FAF1: variants seen among roughly 807,000 people sequenced by gnomAD.
FAF1 encodes the protein FAS-associated factor 1.
A neutral mutation model predicts 92.5 loss-of-function variants in FAF1; 25 were observed. That is an observed-to-expected ratio of 0.27 (90% CI 0.20 to 0.38). The LOEUF (loss-of-function observed/expected upper bound fraction) is 0.38. Ranked by LOEUF, FAF1 falls within the 10% of genes least tolerant of loss-of-function variation. The pLI, the probability that FAF1 is intolerant of heterozygous loss-of-function variation, is 1.00. For synonymous variants in FAF1, 234 were observed against 273.2 expected (o/e 0.86, Z 1.42); for missense variants, 636 against 793.3 (o/e 0.80, Z 2.38).
At chr1:50,827,491 C>A (rs1049846910) in intron 2 of FAF1, among the ~76,000 whole-genome samples, 2 of 152,124 alleles carry the variant, frequency 1.3e-5, no homozygotes, top group African/African-American at 4.8e-5. Context: ...ACAAACACTG[C>A]GGAAGGCCGC....
intron 3 of FAF1, among the ~76,000 whole-genome samples, chr1:50,793,598 A>C (rs1661640926): frequency 6.6e-6 from 1 of 152,180 alleles, no homozygotes. Context: ...GTAAGAAGGG[A>C]CCACTGGAAA....
intron 6 of FAF1, among the ~76,000 whole-genome samples, chr1:50,732,589 G>C (rs1024824183): frequency 6.6e-6 from 1 of 151,844 alleles, no homozygotes; most frequent in African/African-American, 2.4e-5. Flanking sequence ...TATTTCCCTG[G>C]GGTCACTTTC....
At chr1:50,789,559 A>G (rs937424029) in intron 3 of FAF1, among the ~76,000 whole-genome samples, 1 of 151,998 alleles carries the variant, frequency 6.6e-6, no homozygotes, top group African/African-American at 2.4e-5. Flanking sequence ...TAAGTCATCC[A>G]CCTTTACCCT....
intron 7 of FAF1, among the ~76,000 whole-genome samples, chr1:50,691,229 TACA>T (rs1410668236): frequency 1.3e-5 from 2 of 152,142 alleles, no homozygotes; most frequent in African/African-American, 4.8e-5. Flanking sequence ...TCTTTGCCAA[TACA>T]ACACTTGTCA....
Position 50,655,518 on chromosome 1 carries a change from T to G in FAF1, c.668A>C (p.Asn223Thr). ...GSSTIQEVKRNVYDLTSIPVR... is the reference protein window; with the variant it reads ...GSSTIQEVKRTVYDLTSIPVR... ...GGGGATACTTGTAAGGTCATACACA[T>G]TTCTCTTTACCTATGAAAAGAAAGA... Residue 223 changes from asparagine (N) to threonine (T), a missense_variant, in exon 8 of 19, where the codon AAT becomes ACT. Coordinates refer to ENST00000396153, the MANE Select transcript of FAF1 (RefSeq NM_007051.3). The G allele has an allele frequency of 6.2e-7, 1 of 1,608,066 alleles. No individual in the cohort carries two copies. Among genetic ancestry groups the G allele is most frequent in the Non-Finnish European group, 8.5e-7 (1 of 1,174,944 alleles).
chr1:50,789,388 A>C (rs540957824), intron 3 of FAF1, among the ~76,000 whole-genome samples: 1 of 152,164 alleles, frequency 6.6e-6, no homozygotes, highest in Non-Finnish European at 1.5e-5. Flanking sequence ...CAGTATGTCC[A>C]CAGCTTAGTT....
chr1:50,600,548 AT>A (rs920308406), intron 8 of FAF1, among the ~76,000 whole-genome samples: 44 of 152,306 alleles, frequency 2.9e-4, no homozygotes, highest in Admixed American at 1.2e-3. Context: ...AATAAAAAAA[AT>A]AAGACTAACC....
At chr1:50,863,874 T>C (rs2124672739) in intron 1 of FAF1, among the ~76,000 whole-genome samples, 1 of 152,260 alleles carries the variant, frequency 6.6e-6, no homozygotes, top group East Asian at 1.9e-4. Context: ...ATTGCCACAA[T>C]TTCAGAGCCT....
At position 50,596,216 on chromosome 1, in the gene FAF1, T is replaced by G. The variant is rs150141489; in HGVS notation, c.745A>C (p.Met249Leu). 4 of 1,608,246 alleles carry G rather than the reference T, an allele frequency of 2.5e-6. No homozygotes were observed. In the African/African-American group the frequency reaches 4.0e-5, roughly 16 times the overall value. ...GAGAGCCCTGATTCAGCAAGACACA[T>G]CTGCAAAAAGTAGAATCCATCATTT... is the stretch of plus-strand genomic sequence containing the variant. ...GWPTSATDDSMCLAESGLSYP... is the reference protein window; with the variant it reads ...GWPTSATDDSLCLAESGLSYP... Residue 249 changes from methionine to leucine, a missense_variant and splice_region_variant, in exon 9 of 19, where the codon ATG (methionine) becomes CTG (leucine). Physicochemically the swap from Met to Leu is conservative, Grantham distance 15. Around this residue, in one of 2 missense-constraint regions of FAF1, gnomAD observed 317 missense variants for 342.4 expected, o/e 0.93. Coordinates refer to ENST00000396153, the MANE Select transcript of FAF1 (RefSeq NM_007051.3).
chr1:50,919,366 T>C (rs1057161956), intron 1 of FAF1, among the ~76,000 whole-genome samples: 1 of 152,128 alleles, frequency 6.6e-6, no homozygotes, highest in Non-Finnish European at 1.5e-5. Context: ...TTTTATTATT[T>C]CTTATATTCT....
intron 18 of FAF1, among the ~76,000 whole-genome samples, chr1:50,443,496 T>C (rs1035212107): frequency 3.9e-5 from 6 of 152,184 alleles, no homozygotes; most frequent in Non-Finnish European, 7.3e-5. Flanking sequence ...AAATTGAAGC[T>C]CAAAGTGGTT....
intron 1 of FAF1, among the ~76,000 whole-genome samples, chr1:50,938,836 T>C (rs995480500): frequency 3.7e-4 from 56 of 152,172 alleles, no homozygotes; most frequent in African/African-American, 1.3e-3. Context: ...AGGGGTCCTC[T>C]CCTCATTGTT....
chr1:50,875,588 G>C (rs567832883), intron 1 of FAF1, among the ~76,000 whole-genome samples: 3 of 152,078 alleles, frequency 2.0e-5, no homozygotes, highest in Non-Finnish European at 4.4e-5. Context: ...AAGCAGCTGA[G>C]ATTACAGGCA....
chr1:50,835,096 G>A (rs1292573407), intron 2 of FAF1, among the ~76,000 whole-genome samples: 1 of 152,192 alleles, frequency 6.6e-6, no homozygotes, highest in Admixed American at 6.5e-5. Context: ...ATGTGAGGAA[G>A]TATGTGAAGA....
At chr1:50,705,755 C>G (rs757245698) in intron 7 of FAF1, 31 bp downstream of exon 7, 1 of 1,244,398 alleles carries the variant, frequency 8.0e-7, no homozygotes, top group Admixed American at 1.7e-5. Context: ...AATGAGCTAC[C>G]TTTATTTCTT....
At chr1:50,778,413 T>C (rs1300257893) in intron 4 of FAF1, among the ~76,000 whole-genome samples, 1 of 152,080 alleles carries the variant, frequency 6.6e-6, no homozygotes, top group African/African-American at 2.4e-5. Flanking sequence ...AGGGTACCAA[T>C]CCTTCCACAC....
intron 4 of FAF1, among the ~76,000 whole-genome samples, chr1:50,770,814 A>G (rs973555111): frequency 6.6e-6 from 1 of 152,192 alleles, no homozygotes; most frequent in Non-Finnish European, 1.5e-5. Flanking sequence ...AAGCAAAAAG[A>G]ACCTAAGCAG....
At chr1:50,587,875 C>A (rs191223728) in intron 9 of FAF1, among the ~76,000 whole-genome samples, 1 of 152,054 alleles carries the variant, frequency 6.6e-6, no homozygotes, top group Non-Finnish European at 1.5e-5. Flanking sequence ...ATAACTAAAC[C>A]GTTTAAGGTA....
rs1390759793 is a variant in FAF1 at position 50,583,565 on chromosome 1, T to C, written c.1031+87A>G. The C allele has an allele frequency of 1.3e-6, 1 of 796,300 alleles. No individual in the cohort carries two copies. The highest frequency in any genetic ancestry group is 2.6e-5 in the Admixed American group (1 of 38,256). 49.3% of individuals were successfully genotyped at this position (796,300 alleles called of 1,614,324 possible). Reference sequence around the variant, plus strand: ...CTTTGAATACTTTAAGGAGAAACTTTAAACAATCTATAATTAAAATTGCCC... The same window carrying C: ...CTTTGAATACTTTAAGGAGAAACTTCAAACAATCTATAATTAAAATTGCCC... On this transcript the variant is annotated intron_variant, in intron 11 of 18. Coordinates refer to ENST00000396153, the MANE Select transcript of FAF1 (RefSeq NM_007051.3). This position sits in a 1 kb window ranked among gnomAD's most constrained non-coding sequence, Gnocchi z 4.2.
Sources: allele counts gnomAD v4.1 joint callset (sites outside exome capture counted in the v4.1 genomes callset), GRCh38; gene constraint gnomAD v4.1.1; regional missense constraint gnomAD v4.1.1; non-coding constraint Gnocchi (gnomAD v3.1); transcripts MANE v1.5; gene names NCBI Gene and HGNC (gene_info 2026-07-23, HGNC 2026-07-21).